EFCAB6: variants seen among roughly 807,000 people sequenced by gnomAD.
EFCAB6 encodes the protein EF-hand calcium binding domain 6.
In EFCAB6, 156 loss-of-function variants were observed where a neutral mutation model predicts 169.8. The observed-to-expected ratio is 0.92, with a 90% CI of 0.81 to 1.05. The LOEUF is 1.05. EFCAB6 is among the 50% of genes least tolerant of loss of function. The pLI, the probability that EFCAB6 is intolerant of heterozygous loss-of-function variation, is 0.00. For synonymous variants in EFCAB6, 698 were observed against 676.4 expected (o/e 1.03, Z -0.50); for missense variants, 1,800 against 1,829.1 (o/e 0.98, Z 0.29).
chr22:43,808,104 G>A (rs1396059256), intron 2 of EFCAB6, among the ~76,000 whole-genome samples: 1 of 152,196 alleles, frequency 6.6e-6, no homozygotes, highest in Admixed American at 6.5e-5. Context: ...GAAAAATATG[G>A]ATGTTGATGT....
intron 17 of EFCAB6, among the ~76,000 whole-genome samples, chr22:43,659,252 C>T (rs1305075756): frequency 3.3e-5 from 5 of 152,164 alleles, no homozygotes; most frequent in African/African-American, 1.2e-4. Context: ...TGATGTGATA[C>T]ATAACAAAGA....
chr22:43,790,884 C>A (rs573137564), intron 2 of EFCAB6, among the ~76,000 whole-genome samples: 69 of 152,238 alleles, frequency 4.5e-4, no homozygotes, highest in African/African-American at 1.6e-3. Flanking sequence ...AGGAGGAGTC[C>A]ATCATACTCT....
intron 24 of EFCAB6, among the ~76,000 whole-genome samples, chr22:43,585,682 C>T (rs989187570): frequency 2.0e-5 from 3 of 151,946 alleles, no homozygotes; most frequent in Non-Finnish European, 4.4e-5. Flanking sequence ...AGGATAAATC[C>T]CCCCAAATCT....
chr22:43,686,457 G>C (rs1379455122), intron 11 of EFCAB6, among the ~76,000 whole-genome samples: 1 of 152,004 alleles, frequency 6.6e-6, no homozygotes, highest in Non-Finnish European at 1.5e-5. Context: ...GATATCTCCT[G>C]GGAGGAAAAA....
intron 4 of EFCAB6, among the ~76,000 whole-genome samples, chr22:43,770,228 CT>C (rs2061429683): frequency 6.6e-6 from 1 of 152,112 alleles, no homozygotes; most frequent in African/African-American, 2.4e-5. Context: ...TCTTGAACTC[CT>C]TGGCTCAAAT....
At chr22:43,643,490 C>T (rs143025194) in intron 17 of EFCAB6, among the ~76,000 whole-genome samples, 123 of 152,368 alleles carry the variant, frequency 8.1e-4, no homozygotes, top group Middle Eastern at 3.4e-3. Flanking sequence ...ACTCAGGTGA[C>T]TGCTGGGTGT....
chr22:43,665,820 C>T (rs994676773), intron 17 of EFCAB6, among the ~76,000 whole-genome samples: 2 of 152,220 alleles, frequency 1.3e-5, no homozygotes, highest in Non-Finnish European at 2.9e-5. Context: ...CTGAGTCTTG[C>T]TCTGTCACCC....
intron 20 of EFCAB6, among the ~76,000 whole-genome samples, chr22:43,621,642 T>C (rs1353466809): frequency 6.6e-6 from 1 of 151,332 alleles, no homozygotes; most frequent in Non-Finnish European, 1.5e-5. Context: ...ATTTAAGAAA[T>C]ATAAAAGATA....
chr22:43,694,244 C>G (rs538379577), intron 10 of EFCAB6, among the ~76,000 whole-genome samples: 1 of 151,900 alleles, frequency 6.6e-6, no homozygotes, highest in Non-Finnish European at 1.5e-5. Flanking sequence ...TTGAAAAACA[C>G]AAATTACCAA....
chr22:43,632,055 G>T, intron 19 of EFCAB6, 50 bp downstream of exon 19: 1 of 1,598,748 alleles, frequency 6.3e-7, no homozygotes, highest in South Asian at 1.1e-5. Context: ...CTGCGTGGTT[G>T]GGAGCAGGGG....
intron 17 of EFCAB6, among the ~76,000 whole-genome samples, chr22:43,645,430 G>T (rs1273067385): frequency 1.3e-5 from 2 of 152,226 alleles, no homozygotes. Context: ...TTTGTCTAGT[G>T]ATTGTTATTT....
rs1159062482 is a variant in EFCAB6 at position 43,765,288 on chromosome 22, G to A, written c.440+17C>T. ...TTTCAAATTTCACATTTTCACATGA[G>A]CAAACCAAACACTTACCTCTTTATA... On this transcript the variant is annotated intron_variant, in intron 5 of 31. Transcript: ENST00000262726. 1 of 1,595,940 alleles carries A rather than the reference G, an allele frequency of 6.3e-7. No individual in the cohort carries two copies. The highest frequency in any genetic ancestry group is 1.1e-5 in the South Asian group (1 of 90,420).
chr22:43,540,048 G>A (rs1404169344), intron 28 of EFCAB6, 79 bp downstream of exon 28: 3 of 1,517,396 alleles, frequency 2.0e-6, no homozygotes, highest in African/African-American at 1.4e-5. Flanking sequence ...GCCATAGTAG[G>A]GCCCCCAAAG....
At chr22:43,532,822 G>T (rs2047159058) in intron 30 of EFCAB6, among the ~76,000 whole-genome samples, 1 of 152,242 alleles carries the variant, frequency 6.6e-6, no homozygotes, top group African/African-American at 2.4e-5. Flanking sequence ...TGGGAGCGGG[G>T]CCAGGTGGGG....
intron 26 of EFCAB6, among the ~76,000 whole-genome samples, chr22:43,574,645 CAAA>C (rs11287560): frequency 5.6e-4 from 77 of 138,596 alleles, no homozygotes; most frequent in Middle Eastern, 3.7e-3. Flanking sequence ...TTTAAAATGA[CAAA>C]AAAAAAAAAA....
chr22:43,572,663 C>T lies in EFCAB6; in HGVS notation c.3420+3634G>A, dbSNP rs1198309350. Among the ~76,000 whole-genome samples the T allele has an allele frequency of 6.6e-6, 1 of 152,230 alleles. No homozygotes were observed. Among genetic ancestry groups the T allele is most frequent in the Non-Finnish European group, 1.5e-5 (1 of 68,036 alleles). ...CCCTTGCCCGATGTCACTGCTCACT[C>T]CCTCCCCTCCTCGTCGCTCGGATGT... On this transcript the variant is annotated intron_variant, in intron 26 of 31. Coordinates refer to ENST00000262726, the MANE Select transcript of EFCAB6 (RefSeq NM_022785.4). The surrounding 1 kb of genome is among the most constrained non-coding windows in gnomAD (Gnocchi z 4.0).
rs114598736 is a variant in EFCAB6, at chr22:43,536,992, G to C, written c.4048+385C>G. The C allele has an allele frequency of 2.6e-3, 432 of 168,434 alleles. 1 individual carries two copies. The highest frequency in any genetic ancestry group is 9.3e-3 in the African/African-American group (392 of 42,252). 10.4% of individuals were successfully genotyped at this position (168,434 alleles called of 1,614,324 possible). ...CTGAAAAACGAAACAACATCAAAGAGTGAATGTTGATGGGAATGGAGCCCC... is the reference window on the plus strand; with the variant it reads ...CTGAAAAACGAAACAACATCAAAGACTGAATGTTGATGGGAATGGAGCCCC... On this transcript the variant is annotated intron_variant, in intron 29 of 31. Transcript: ENST00000262726.
chr22:43,633,365 T>C (rs1013964337), intron 18 of EFCAB6, among the ~76,000 whole-genome samples: 1 of 152,200 alleles, frequency 6.6e-6, no homozygotes, highest in Admixed American at 6.5e-5. Flanking sequence ...CTGGCCAACA[T>C]GGTGAAACCC....
At chr22:43,577,187 A>G (rs112446075) in intron 25 of EFCAB6, among the ~76,000 whole-genome samples, 7 of 152,348 alleles carry the variant, frequency 4.6e-5, no homozygotes, top group African/African-American at 1.7e-4. Context: ...AAGTGCAAAA[A>G]TGTGCTATAA....
Sources: gnomAD v4.1 joint callset for allele counts (sites outside exome capture counted in the v4.1 genomes callset) on GRCh38, gnomAD v4.1.1 for gene constraint, Gnocchi (gnomAD v3.1) non-coding constraint, MANE v1.5 for transcripts, NCBI Gene and HGNC (gene_info 2026-07-23, HGNC 2026-07-21) for gene names.